SGCZ: variants seen among roughly 807,000 people sequenced by gnomAD.
SGCZ encodes sarcoglycan zeta.
SGCZ carries 40 observed loss-of-function variants against 41.3 expected under a neutral mutation model. That is an observed-to-expected ratio of 0.97 (90% CI 0.75 to 1.26). The LOEUF (loss-of-function observed/expected upper bound fraction) is 1.26. Ranked by LOEUF, SGCZ falls within the 50% of genes most tolerant of loss-of-function variation. The pLI, the probability that SGCZ is intolerant of heterozygous loss-of-function variation, is 0.00. For missense variants in SGCZ, 552 were observed against 369.8 expected, an observed-to-expected ratio of 1.49 and a Z score of -4.04; for synonymous variants, 206 against 137.5, an observed-to-expected ratio of 1.50 and a Z score of -3.49.
chr8:14,909,074 A>C (rs1799204813), intron 1 of SGCZ, among the ~76,000 whole-genome samples: 1 of 152,164 alleles, frequency 6.6e-6, no homozygotes, highest in African/African-American at 2.4e-5. Context: ...GAGGTTTGCA[A>C]ATCATGTGCA....
intron 2 of SGCZ, among the ~76,000 whole-genome samples, chr8:14,456,278 C>T (rs1400163876): frequency 1.3e-5 from 2 of 152,052 alleles, no homozygotes; most frequent in African/African-American, 4.8e-5. Flanking sequence ...TGTGGTGGTG[C>T]ACGCCTATAA....
At chr8:14,632,182 C>T (rs1194815280) in intron 1 of SGCZ, among the ~76,000 whole-genome samples, 1 of 151,818 alleles carries the variant, frequency 6.6e-6, no homozygotes, top group African/African-American at 2.4e-5. Flanking sequence ...CCATGCCTGG[C>T]TAATTTTTAA....
chr8:15,024,382 C>A (rs140852403), intron 1 of SGCZ, among the ~76,000 whole-genome samples: 1 of 152,204 alleles, frequency 6.6e-6, no homozygotes, highest in African/African-American at 2.4e-5. Flanking sequence ...AATTTTTATT[C>A]TGCAAATATT....
At chr8:14,561,628 A>G (rs1804210269) in intron 1 of SGCZ, among the ~76,000 whole-genome samples, 2 of 152,106 alleles carry the variant, frequency 1.3e-5, no homozygotes, top group Non-Finnish European at 2.9e-5. Flanking sequence ...ATGACTTCTA[A>G]AATCTAATGT....
chr8:14,342,769 A>G (rs767965967), intron 2 of SGCZ, among the ~76,000 whole-genome samples: 1 of 152,170 alleles, frequency 6.6e-6, no homozygotes, highest in African/African-American at 2.4e-5. Context: ...CTGGGGAAAA[A>G]TTCAAGCCGG....
chr8:14,990,594 C>G (rs1434127524), intron 1 of SGCZ, among the ~76,000 whole-genome samples: 1 of 151,820 alleles, frequency 6.6e-6, no homozygotes, highest in African/African-American at 2.4e-5. Context: ...TCTCATCACC[C>G]CTAGATGAGA....
At chr8:14,293,952 A>C (rs758007546) in intron 3 of SGCZ, among the ~76,000 whole-genome samples, 15 of 151,914 alleles carry the variant, frequency 9.9e-5, no homozygotes, top group Non-Finnish European at 1.9e-4. Context: ...CAAGACATAC[A>C]TATCTCTAAA....
At chr8:14,672,117 TA>T (rs2117513217) in intron 1 of SGCZ, among the ~76,000 whole-genome samples, 1 of 152,288 alleles carries the variant, frequency 6.6e-6, no homozygotes, top group South Asian at 2.1e-4. Context: ...TGCGGGAATT[TA>T]AAAAGAACTG....
At chr8:14,873,966 G>A (rs1804257035) in intron 1 of SGCZ, among the ~76,000 whole-genome samples, 1 of 152,058 alleles carries the variant, frequency 6.6e-6, no homozygotes, top group Non-Finnish European at 1.5e-5. Context: ...ATTTGTCCTT[G>A]AAGTCTCTGT....
intron 1 of SGCZ, among the ~76,000 whole-genome samples, chr8:14,913,913 A>G (rs1187377952): frequency 6.6e-6 from 1 of 152,100 alleles, no homozygotes; most frequent in Non-Finnish European, 1.5e-5. Flanking sequence ...TATTTGTCAG[A>G]GAAATCCCTG....
At chr8:14,246,524 C>T (rs191968700) in intron 3 of SGCZ, among the ~76,000 whole-genome samples, 8 of 151,308 alleles carry the variant, frequency 5.3e-5, no homozygotes, top group Non-Finnish European at 8.8e-5. Context: ...TGCAGCACAC[C>T]AGCATGGCAC....
chr8:14,521,492 C>T (rs978929219), intron 2 of SGCZ, among the ~76,000 whole-genome samples: 3 of 152,052 alleles, frequency 2.0e-5, no homozygotes, highest in Non-Finnish European at 4.4e-5. Flanking sequence ...TAGTTCATTC[C>T]CTTTTACTGC....
At chr8:14,404,149 T>G (rs1174454581) in intron 2 of SGCZ, among the ~76,000 whole-genome samples, 1 of 152,096 alleles carries the variant, frequency 6.6e-6, no homozygotes, top group African/African-American at 2.4e-5. Context: ...CCATTTTAAA[T>G]TTTACTCTCA....
chr8:14,387,998 A>C (rs1804635540), intron 2 of SGCZ, among the ~76,000 whole-genome samples: 1 of 152,154 alleles, frequency 6.6e-6, no homozygotes. Flanking sequence ...TTAATCATAC[A>C]CAATATAAAA....
At chr8:14,847,116 G>GA (rs1187486428) in intron 1 of SGCZ, among the ~76,000 whole-genome samples, 87 of 134,076 alleles carry the variant, frequency 6.5e-4, no homozygotes, top group Middle Eastern at 3.5e-3. Flanking sequence ...GAAGAAAGAA[G>GA]AAGAAGAAGA....
chr8:15,119,640 C>A (rs1807405481), intron 1 of SGCZ, among the ~76,000 whole-genome samples: 1 of 151,996 alleles, frequency 6.6e-6, no homozygotes, highest in South Asian at 2.1e-4. Context: ...AATTCCCACC[C>A]CAACTAGCTC....
chr8:14,906,984 C>G (rs1414295351), intron 1 of SGCZ, among the ~76,000 whole-genome samples: 1 of 152,114 alleles, frequency 6.6e-6, no homozygotes, highest in Admixed American at 6.5e-5. Flanking sequence ...TATAACAATT[C>G]AATAACCTTA....
intron 3 of SGCZ, among the ~76,000 whole-genome samples, chr8:14,317,470 T>C (rs1406980260): frequency 2.0e-5 from 3 of 151,790 alleles, no homozygotes; most frequent in Non-Finnish European, 2.9e-5. Flanking sequence ...ATAATAAAAT[T>C]TCAAGAAAAT....
chr8:14,475,680 G>T (rs1801336746), intron 2 of SGCZ, among the ~76,000 whole-genome samples: 2 of 151,812 alleles, frequency 1.3e-5, no homozygotes, highest in Admixed American at 6.6e-5. Flanking sequence ...TTTTAATGAG[G>T]GTCTTACAGC....
Sources: gnomAD v4.1 joint callset for allele counts (sites outside exome capture counted in the v4.1 genomes callset) on GRCh38, gnomAD v4.1.1 for gene constraint, MANE v1.5 for transcripts, NCBI Gene and HGNC (gene_info 2026-07-23, HGNC 2026-07-21) for gene names.